PHF6: variants seen among roughly 807,000 people sequenced by gnomAD.
The protein encoded by PHF6 is PHD finger protein 6, also known as PHD-like zinc finger protein.
In PHF6, 7 loss-of-function variants were observed where a neutral mutation model predicts 34.0. That is an observed-to-expected ratio of 0.21 (90% CI 0.12 to 0.39). The LOEUF is 0.39. Among genes scored for constraint, PHF6 ranks in the 10% least tolerant of loss-of-function variants. The pLI is 1.00. For missense variants in PHF6, 128 were observed against 262.8 expected, an observed-to-expected ratio of 0.49 and a Z score of 3.55; for synonymous variants, 89 against 88.4, an observed-to-expected ratio of 1.01 and a Z score of -0.04.
At chrX:134,399,412 C>T (rs776028449) in intron 5 of PHF6, among the ~76,000 whole-genome samples, 1 of 111,074 alleles carries the variant, frequency 9.0e-6, no homozygotes, top group East Asian at 2.8e-4. Flanking sequence ...AATAATATGC[C>T]TATATTTGTT....
rs2124264329 is a variant in PHF6, at chrX:134,428,265, C to CT, written c.*2606dup. 1 of 120,489 alleles carries CT rather than the reference C, an allele frequency of 8.3e-6. No individual in the cohort carries two copies. Among genetic ancestry groups the CT allele is most frequent in the Admixed American group, 1.3e-4 (1 of 7,520 alleles). The allele number at this position is 120,489 out of a possible 1,213,427, so 9.9% of individuals were successfully genotyped here. A position where few individuals can be genotyped will look rare whatever the true frequency, so the allele number is the denominator to read the frequency against. On this transcript the variant is annotated 3_prime_UTR_variant, in exon 11 of 11. Coordinates refer to ENST00000370803, the MANE Select transcript of PHF6 (RefSeq NM_001015877.2). ...AGAGTAGAAAGATAGACTTGAGTTTCTATACTTTTAAGAAGAGCTCTTTGT... is the reference window on the plus strand; with the variant it reads ...AGAGTAGAAAGATAGACTTGAGTTTCTTATACTTTTAAGAAGAGCTCTTTGT...
At chrX:134,396,311 A>G (rs2077377362) in intron 5 of PHF6, among the ~76,000 whole-genome samples, 1 of 111,822 alleles carries the variant, frequency 8.9e-6, no homozygotes, top group East Asian at 2.8e-4. Flanking sequence ...TGAGATAATT[A>G]AGAAGGATGA....
chrX:134,421,841 A>G (rs1201690965), intron 9 of PHF6, among the ~76,000 whole-genome samples: 1 of 106,053 alleles, frequency 9.4e-6, no homozygotes, highest in African/African-American at 3.5e-5. Flanking sequence ...TTTCTTATCT[A>G]TGCTGTTTTA....
At chrX:134,407,082 T>C (rs995674554) in intron 5 of PHF6, among the ~76,000 whole-genome samples, 12 of 112,179 alleles carry the variant, frequency 1.1e-4, no homozygotes, top group Non-Finnish European at 1.7e-4. Context: ...CATATATATT[T>C]GTCCCAGCTC....
Position 134,397,821 on chromosome X carries a change from T to C in PHF6, c.418+3869T>C, listed in dbSNP as rs376157008. ...GATATAGGGATAAATTAGATGGGTC[T>C]CTGCCCCAAAGAGCTTGAAGTCTAA... On this transcript the variant is annotated intron_variant, in intron 5 of 10. Coordinates refer to ENST00000370803, the MANE Select transcript of PHF6 (RefSeq NM_001015877.2). Among the ~76,000 whole-genome samples the C allele has an allele frequency of 2.0e-4, 22 of 112,041 alleles. No individual in the cohort carries two copies. The East Asian group carries it at 3.1e-3, about 16-fold the overall frequency.
intron 9 of PHF6, 126 bp from the exon 10 acceptor site, chrX:134,425,075 A>G: frequency 7.3e-6 from 6 of 819,464 alleles, no homozygotes; most frequent in Non-Finnish European, 1.1e-5. Context: ...ATTGGGGAGT[A>G]TTTTTTAAAG....
intron 5 of PHF6, among the ~76,000 whole-genome samples, chrX:134,412,023 C>T (rs796405757): frequency 8.0e-5 from 9 of 112,228 alleles, no homozygotes; most frequent in African/African-American, 2.9e-4. Context: ...TGAGCCACCA[C>T]GCCCAGCCAA....
chrX:134,400,449 G>T (rs988627095), intron 5 of PHF6, among the ~76,000 whole-genome samples: 4 of 97,353 alleles, frequency 4.1e-5, no homozygotes, highest in Non-Finnish European at 8.1e-5. Flanking sequence ...GACCCCTTAA[G>T]AGAAGGGATG....
intron 5 of PHF6, among the ~76,000 whole-genome samples, chrX:134,399,853 G>A (rs1019880002): frequency 2.8e-4 from 31 of 111,020 alleles, no homozygotes; most frequent in African/African-American, 1.0e-3. Flanking sequence ...TTTGACATGT[G>A]TATAATGACA....
chrX:134,377,862 C>T (rs1173561574), intron 2 of PHF6, 107 bp downstream of exon 2: 2 of 1,017,393 alleles, frequency 2.0e-6, no homozygotes, highest in Non-Finnish European at 2.7e-6. Context: ...AAAAAAAACT[C>T]AGTTAAATTT....
chrX:134,408,441 C>G (rs745477099), intron 5 of PHF6, among the ~76,000 whole-genome samples: 44 of 111,615 alleles, frequency 3.9e-4, no homozygotes, highest in Admixed American at 9.6e-5. Context: ...ACTGTTTACC[C>G]AGTTTATGTT....
chrX:134,383,437 G>GT (rs971323089), intron 3 of PHF6, among the ~76,000 whole-genome samples: 17 of 109,023 alleles, frequency 1.6e-4, no homozygotes, highest in Non-Finnish European at 2.9e-4. Flanking sequence ...AAATATTTGA[G>GT]TTTTTTTTTA....
At position 134,393,623 on chromosome X, in the gene PHF6, A is replaced by G. The variant is rs759260702; in HGVS notation, c.363A>G (p.Gln121=). ...DKAQIREKPS[Q]GIYMVYCRKH... ...CTCAAATACGAGAGAAACCTTCACA[A>G]GGAATTTACATGTAATTATTTAACT... The change falls in exon 4 of 11, where the codon CAA becomes CAG. Residue 121 remains glutamine (Q), a synonymous_variant. Coordinates refer to ENST00000370803, the MANE Select transcript of PHF6 (RefSeq NM_001015877.2). 3 of 1,201,751 alleles carry G rather than the reference A, an allele frequency of 2.5e-6. No individual in the cohort carries two copies. The highest frequency in any genetic ancestry group is 3.4e-6 in the Non-Finnish European group (3 of 887,731).
At chrX:134,411,670 A>G (rs1300347034) in intron 5 of PHF6, among the ~76,000 whole-genome samples, 10 of 111,438 alleles carry the variant, frequency 9.0e-5, no homozygotes, top group Non-Finnish European at 1.9e-5. Flanking sequence ...ATACACATAG[A>G]TGTCTTAGAA....
Position 134,425,345 on chromosome X carries a change from T to G in PHF6, c.*15T>G, listed in dbSNP as rs750464938. 4.1e-6 allele frequency: 5 copies of G among 1,208,053 alleles called. No homozygotes were observed. Among genetic ancestry groups the G allele is most frequent in the Non-Finnish European group, 5.6e-6 (5 of 892,312 alleles). ...ATGGAAACTAGGTATGAAAGTTAAT[T>G]ATATGGGATCTGTTGTCAGGATACA... On this transcript the variant is annotated intron_variant, in intron 10 of 10. Coordinates refer to ENST00000370803, the MANE Select transcript of PHF6 (RefSeq NM_001015877.2).
intron 5 of PHF6, among the ~76,000 whole-genome samples, chrX:134,395,525 C>T (rs1029518252): frequency 1.8e-5 from 2 of 111,976 alleles, no homozygotes; most frequent in African/African-American, 6.5e-5. Flanking sequence ...TATAAAATGG[C>T]TTAGATGTAA....
At chrX:134,410,326 A>G (rs1219803327) in intron 5 of PHF6, among the ~76,000 whole-genome samples, 1 of 111,763 alleles carries the variant, frequency 8.9e-6, no homozygotes, top group African/African-American at 3.3e-5. Flanking sequence ...CTTTAATAAT[A>G]GCCATTCTGA....
At chrX:134,375,202 A>C (rs1408440970) in intron 1 of PHF6, among the ~76,000 whole-genome samples, 1 of 112,330 alleles carries the variant, frequency 8.9e-6, no homozygotes, top group Non-Finnish European at 1.9e-5. Context: ...CCATTTAGTC[A>C]TTGCACATTG....
intron 5 of PHF6, among the ~76,000 whole-genome samples, chrX:134,402,327 A>T (rs971648854): frequency 8.9e-6 from 1 of 112,290 alleles, no homozygotes; most frequent in Non-Finnish European, 1.9e-5. Context: ...ATGGAAATAT[A>T]GGGAGATTCT....
Sources: allele counts gnomAD v4.1 joint callset (sites outside exome capture counted in the v4.1 genomes callset), GRCh38; gene constraint gnomAD v4.1.1; transcripts MANE v1.5; gene names NCBI Gene and HGNC (gene_info 2026-07-23, HGNC 2026-07-21).